The following SLX4IP variants were observed in gnomAD, a reference collection of about 807,000 sequenced individuals.
SLX4IP encodes the protein SLX4 interacting protein.
Under a neutral mutation model 32.9 loss-of-function variants are expected in SLX4IP, and 34 were observed. That is an observed-to-expected ratio of 1.03 (90% CI 0.79 to 1.38). The LOEUF is 1.38. Ranked by LOEUF, SLX4IP falls within the 40% of genes most tolerant of loss-of-function variation. The probability of loss-of-function intolerance (pLI) is 0.00; values close to 1 mark genes in which losing one functional copy is unlikely to be tolerated. For missense variants in SLX4IP, 444 were observed against 479.0 expected, an observed-to-expected ratio of 0.93 and a Z score of 0.68; for synonymous variants, 172 against 171.7, an observed-to-expected ratio of 1.00 and a Z score of -0.01.
At chr20:10,531,444 C>T (rs1199216685) in intron 2 of SLX4IP, among the ~76,000 whole-genome samples, 1 of 152,208 alleles carries the variant, frequency 6.6e-6, no homozygotes, top group Non-Finnish European at 1.5e-5. Context: ...GCTCAGTCTT[C>T]TATGACTCTT....
chr20:10,458,137 T>G, intron 1 of SLX4IP, 39 bp from the exon 2 acceptor site: 1 of 1,368,788 alleles, frequency 7.3e-7, no homozygotes, highest in Non-Finnish European at 9.8e-7. Flanking sequence ...TAAAAAGAAA[T>G]TTTAATATAC....
intron 2 of SLX4IP, among the ~76,000 whole-genome samples, chr20:10,535,213 C>G (rs754988048): frequency 1.6e-4 from 24 of 152,078 alleles, no homozygotes; most frequent in Non-Finnish European, 3.4e-4. Context: ...TGATGAATTG[C>G]AAATGGCTGC....
chr20:10,484,588 T>A (rs945688615), intron 2 of SLX4IP, among the ~76,000 whole-genome samples: 1 of 152,184 alleles, frequency 6.6e-6, no homozygotes, highest in East Asian at 1.9e-4. Context: ...AGGGAAAGGC[T>A]ATGTCTGATG....
At chr20:10,516,195 G>A (rs764191115) in intron 2 of SLX4IP, among the ~76,000 whole-genome samples, 1 of 152,120 alleles carries the variant, frequency 6.6e-6, no homozygotes, top group Non-Finnish European at 1.5e-5. Flanking sequence ...GCCTCGTGAG[G>A]CTATTTTTAT....
chr20:10,521,133 C>T (rs1319130705), intron 2 of SLX4IP, among the ~76,000 whole-genome samples: 6 of 152,176 alleles, frequency 3.9e-5, no homozygotes, highest in African/African-American at 1.4e-4. Context: ...TTAATTCCCA[C>T]ACCTCTTTTG....
intron 4 of SLX4IP, among the ~76,000 whole-genome samples, chr20:10,586,936 C>T (rs988175143): frequency 6.6e-6 from 1 of 151,880 alleles, no homozygotes; most frequent in Non-Finnish European, 1.5e-5. Context: ...GATATTTTAC[C>T]AGGACAGTTC....
intron 1 of SLX4IP, among the ~76,000 whole-genome samples, chr20:10,452,043 C>G (rs986593128): frequency 9.9e-5 from 15 of 152,186 alleles, no homozygotes; most frequent in Non-Finnish European, 1.5e-4. Context: ...AAAAATGCAA[C>G]TACTAGAAAA....
At chr20:10,519,752 C>G (rs1285630141) in intron 2 of SLX4IP, among the ~76,000 whole-genome samples, 13 of 152,178 alleles carry the variant, frequency 8.5e-5, no homozygotes, top group South Asian at 2.1e-4. Context: ...AGTGGAATTG[C>G]TAAGTCGTAT....
chr20:10,614,429 G>T (rs747311273), intron 6 of SLX4IP, among the ~76,000 whole-genome samples: 5 of 152,180 alleles, frequency 3.3e-5, no homozygotes, highest in Non-Finnish European at 7.3e-5. Flanking sequence ...GGCTATGAAG[G>T]ATACTAGGAG....
chr20:10,547,345 A>G (rs948880611), intron 2 of SLX4IP, among the ~76,000 whole-genome samples: 1 of 152,208 alleles, frequency 6.6e-6, no homozygotes, highest in Non-Finnish European at 1.5e-5. Flanking sequence ...GTGGAAAACA[A>G]GTGACTGGGA....
chr20:10,572,510 A>AT (rs2066477537), intron 4 of SLX4IP, among the ~76,000 whole-genome samples: 1 of 152,160 alleles, frequency 6.6e-6, no homozygotes, highest in African/African-American at 2.4e-5. Context: ...TCCAGCTGTA[A>AT]GCACTTGCCT....
chr20:10,449,909 A>G (rs1363629873), intron 1 of SLX4IP, among the ~76,000 whole-genome samples: 3 of 152,040 alleles, frequency 2.0e-5, no homozygotes, highest in Non-Finnish European at 2.9e-5. Flanking sequence ...AAAATTCAGA[A>G]TCTACATCGT....
At chr20:10,608,349 G>A (rs528341156) in intron 6 of SLX4IP, among the ~76,000 whole-genome samples, 3 of 152,216 alleles carry the variant, frequency 2.0e-5, no homozygotes, top group South Asian at 4.1e-4. Flanking sequence ...TTCCTAAAGA[G>A]CAAGTGAAAT....
At chr20:10,458,670 C>T (rs993825843) in intron 2 of SLX4IP, among the ~76,000 whole-genome samples, 4 of 152,120 alleles carry the variant, frequency 2.6e-5, no homozygotes, top group East Asian at 3.8e-4. Flanking sequence ...GCTCCATCCA[C>T]GTCCCTGCAA....
chr20:10,623,216 C>G lies in SLX4IP; in HGVS notation c.1064C>G (p.Ser355Cys), dbSNP rs571355836. ...LLKQDLAKTT[S>C]KEELHVLESL... ...AAACAAGATTTGGCAAAAACCACGTCTAAGGAAGAGTTGCATGTTTTGGAA... is the reference window on the plus strand; with the variant it reads ...AAACAAGATTTGGCAAAAACCACGTGTAAGGAAGAGTTGCATGTTTTGGAA... The change falls in exon 8 of 8, where the codon TCT becomes TGT. Residue 355 changes from serine (S) to cysteine (C), a missense_variant. Transcript: ENST00000334534. 4.3e-6 allele frequency: 7 copies of G among 1,614,176 alleles called. No individual in the cohort carries two copies. The East Asian group carries it at 1.6e-4, about 36-fold the overall frequency.
At chr20:10,529,644 CT>C (rs544795797) in intron 2 of SLX4IP, among the ~76,000 whole-genome samples, 1 of 139,834 alleles carries the variant, frequency 7.2e-6, no homozygotes, top group African/African-American at 2.6e-5. Context: ...TCTTCTTCTT[CT>C]TTTTTTTTAA....
intron 2 of SLX4IP, among the ~76,000 whole-genome samples, chr20:10,538,808 T>A (rs1417992647): frequency 6.6e-6 from 1 of 152,190 alleles, no homozygotes; most frequent in African/African-American, 2.4e-5. Flanking sequence ...ATTACAGGTG[T>A]GAGCCACCGC....
chr20:10,441,963 GA>G (rs1157762937), intron 1 of SLX4IP, among the ~76,000 whole-genome samples: 1 of 152,124 alleles, frequency 6.6e-6, no homozygotes, highest in African/African-American at 2.4e-5. Context: ...GGACAACAGT[GA>G]AATGATTTCT....
chr20:10,576,173 C>T (rs1488644455), intron 4 of SLX4IP, among the ~76,000 whole-genome samples: 1 of 152,084 alleles, frequency 6.6e-6, no homozygotes, highest in African/African-American at 2.4e-5. Flanking sequence ...TTTAGTTAAC[C>T]ACTTCAGTTG....
Sources: allele counts gnomAD v4.1 joint callset (sites outside exome capture counted in the v4.1 genomes callset), GRCh38; gene constraint gnomAD v4.1.1; transcripts MANE v1.5; gene names NCBI Gene and HGNC (gene_info 2026-07-23, HGNC 2026-07-21).